The following NPC1 variants were observed in gnomAD, a reference collection of about 807,000 sequenced individuals.
NPC1 encodes the protein Niemann-Pick C1 protein.
Under a neutral mutation model 140.4 loss-of-function variants are expected in NPC1, and 85 were observed. The ratio of observed to expected loss-of-function variants is 0.61; its 90% CI spans 0.51 to 0.72. NPC1 has a LOEUF of 0.72. Among genes scored for constraint, NPC1 ranks in the 30% least tolerant of loss-of-function variants. The probability of loss-of-function intolerance (pLI) is 0.00; values close to 1 mark genes in which losing one functional copy is unlikely to be tolerated. For missense variants in NPC1, 1,504 were observed against 1,623.8 expected (o/e 0.93, Z 1.27); for synonymous variants, 656 against 624.8 (o/e 1.05, Z -0.74).
rs917070773 is a variant in NPC1, at chr18:23,539,893, G to A, written c.2713C>T (p.Gln905Ter). The change falls in exon 18 of 25, where the codon CAG (glutamine) becomes TAG (stop). Residue 905 changes from glutamine to a stop codon, truncating the protein, a stop_gained. Coordinates refer to ENST00000269228, the MANE Select transcript of NPC1 (RefSeq NM_000271.5). LOFTEE classifies it high-confidence loss of function. Reference protein sequence around the residue: ...EGHDYTSSKGQNMVCGGMGCN... With the variant: ...EGHDYTSSKG ...CCCATGCCGCCGCACACCATGTTCTGCCCCTTGGAAGAAGTGTAGTCGTGC... is the reference window on the plus strand; with the variant it reads ...CCCATGCCGCCGCACACCATGTTCTACCCCTTGGAAGAAGTGTAGTCGTGC... 6.2e-7 allele frequency: 1 copy of A among 1,614,182 alleles called. No homozygotes were observed. The highest frequency in any genetic ancestry group is 8.5e-7 in the Non-Finnish European group (1 of 1,180,020).
downstream of NPC1, among the ~76,000 whole-genome samples, chr18:23,525,383 G>C (rs1467885574): frequency 1.3e-5 from 2 of 152,062 alleles, no homozygotes; most frequent in African/African-American, 4.8e-5. Flanking sequence ...AAGTAGCTGG[G>C]CCTACAGGCG....
chr18:23,551,348 G>A (rs951637322), intron 10 of NPC1, among the ~76,000 whole-genome samples: 3 of 152,196 alleles, frequency 2.0e-5, no homozygotes, highest in Non-Finnish European at 4.4e-5. Flanking sequence ...GAACAACAAT[G>A]CAGAGGTTTG....
chr18:23,540,130 T>G lies in NPC1; in HGVS notation c.2605-129A>C. On this transcript the variant is annotated intron_variant, in intron 17 of 24. Coordinates refer to ENST00000269228, the MANE Select transcript of NPC1 (RefSeq NM_000271.5). The stretch of plus-strand genomic sequence containing the variant: ...GAGATGCCTCCAGCTGGACTCATGA[T>G]TCCTAACACCACCAGTCTTCCCCCC... 6.3e-6 allele frequency: 5 copies of G among 797,400 alleles called. No homozygotes were observed. In the South Asian group the frequency reaches 7.2e-5, roughly 12 times the overall value. 49.4% of individuals were successfully genotyped at this position (797,400 alleles called of 1,614,324 possible).
chr18:23,554,614 A>G, intron 9 of NPC1, 144 bp downstream of exon 9: 2 of 679,190 alleles, frequency 2.9e-6, no homozygotes, highest in Non-Finnish European at 5.1e-6. Context: ...TCAAAAAAAA[A>G]AAAAAAAGAT....
intron 6 of NPC1, 120 bp downstream of exon 6, chr18:23,560,111 T>C: frequency 1.7e-6 from 2 of 1,159,600 alleles, no homozygotes; most frequent in South Asian, 1.2e-5. Context: ...ATCCATGCAA[T>C]GGTATTCATG....
At chr18:23,514,571 A>T (rs1022961810) in intron 3 of NPC1, among the ~76,000 whole-genome samples, 16 of 151,574 alleles carry the variant, frequency 1.1e-4, no homozygotes, top group Non-Finnish European at 1.8e-4. Context: ...AAAAAAAAAA[A>T]TTTGTAATGA....
chr18:23,581,720 A>G (rs762213645), intron 1 of NPC1, among the ~76,000 whole-genome samples: 1 of 152,148 alleles, frequency 6.6e-6, no homozygotes, highest in Non-Finnish European at 1.5e-5. Context: ...TCAAGTGAAC[A>G]GTTCAATAGT....
At position 23,532,759 on chromosome 18, in the gene NPC1, C is replaced by G. The variant is rs1488239800; in HGVS notation, c.3755-475G>C. 12 of 312,224 alleles carry G rather than the reference C, an allele frequency of 3.8e-5. 1 individual carries two copies. The Admixed American group carries it at 7.5e-4, about 20-fold the overall frequency. The allele number at this position is 312,224 out of a possible 1,614,324, so 19.3% of individuals were successfully genotyped here. A position where few individuals can be genotyped will look rare whatever the true frequency, so the allele number is the denominator to read the frequency against. On this transcript the variant is annotated intron_variant, in intron 24 of 24. Coordinates refer to ENST00000269228, the MANE Select transcript of NPC1 (RefSeq NM_000271.5). The stretch of plus-strand genomic sequence containing the variant: ...AGATTGTAATAGAACTACTTTCTAT[C>G]CCCCGGAGATGATAAAAAGCCCCTC...
In NPC1 at chr18:23,540,502, G is replaced by A. The variant is rs542171272; in HGVS notation, c.2550C>T (p.Ile850=). ...AIFVGVLSFS[I]AVLNKVDIGL... The stretch of plus-strand genomic sequence containing the variant: ...CAATATCTACTTTGTTCAGGACTGC[G>A]ATGCTGAATGACAGAACACCCACAA... The change falls in exon 17 of 25, where the codon ATC becomes ATT. Residue 850 remains isoleucine, a synonymous_variant. Coordinates refer to ENST00000269228, the MANE Select transcript of NPC1 (RefSeq NM_000271.5). 19 of 1,612,426 alleles carry A rather than the reference G, an allele frequency of 1.2e-5. No individual in the cohort carries two copies. Among genetic ancestry groups the A allele is most frequent in the Non-Finnish European group, 1.4e-5 (17 of 1,179,144 alleles).
At chr18:23,571,898 A>G (rs935310513) in intron 3 of NPC1, among the ~76,000 whole-genome samples, 176 bp downstream of exon 3, 6 of 151,094 alleles carry the variant, frequency 4.0e-5, no homozygotes, top group Non-Finnish European at 7.4e-5. Context: ...TTTTTAATAC[A>G]TAAATATATA....
chr18:23,565,724 GTTTTA>G (rs1598995929), intron 4 of NPC1, among the ~76,000 whole-genome samples: 1 of 152,102 alleles, frequency 6.6e-6, no homozygotes, highest in African/African-American at 2.4e-5. Flanking sequence ...AAATGGAATT[GTTTTA>G]TTTTCACTTT....
In NPC1 at chr18:23,534,510, GTGAACGCTCTGGT is replaced by G; in HGVS notation, c.3514_3526del (p.Thr1172ArgfsTer2). On this transcript the variant is annotated frameshift_variant, in exon 23 of 25. Coordinates refer to ENST00000269228, the MANE Select transcript of NPC1 (RefSeq NM_000271.5). LOFTEE classifies it high-confidence loss of function. The stretch of plus-strand genomic sequence containing the variant: ...CACGCGGCTGCCTTTCATGCTCACC[GTGAACGCTCTGGT>G]TATGTGGCTGCAGAACTCCACGGAG... 1 of 1,614,118 alleles carries G rather than the reference GTGAACGCTCTGGT, an allele frequency of 6.2e-7. No individual in the cohort carries two copies. Among genetic ancestry groups the G allele is most frequent in the East Asian group, 2.2e-5 (1 of 44,886 alleles).
chr18:23,532,389 G>C, intron 24 of NPC1, 105 bp from the exon 25 acceptor site: 1 of 1,274,728 alleles, frequency 7.8e-7, no homozygotes, highest in East Asian at 2.3e-5. Context: ...ACTGAGGCAG[G>C]AGAATTGCTT....
intron 21 of NPC1, 88 bp from the exon 22 acceptor site, chr18:23,535,788 A>T: frequency 1.1e-6 from 1 of 889,448 alleles, no homozygotes; most frequent in East Asian, 2.5e-5. Flanking sequence ...AAGTGGTCAG[A>T]CTCCTTTGGG....
intron 22 of NPC1, 96 bp from the exon 23 acceptor site, chr18:23,534,655 C>A (rs1167070966): frequency 5.3e-6 from 5 of 939,084 alleles, no homozygotes; most frequent in Non-Finnish European, 6.7e-6. Context: ...ACCCAGGGCA[C>A]CCTGGGTGCT....
At chr18:23,572,483 T>C (rs980528694) in intron 2 of NPC1, among the ~76,000 whole-genome samples, 1 of 152,228 alleles carries the variant, frequency 6.6e-6, no homozygotes, top group African/African-American at 2.4e-5. Context: ...AGAGTGCTAC[T>C]TACTATTTCT....
Position 23,532,276 on chromosome 18 carries a change from C to T in NPC1, c.3763G>A (p.Val1255Ile), listed in dbSNP as rs755597503. Reference protein sequence around the residue: ...PVLLSYIGPSVNKAKSCATEE... With the variant: ...PVLLSYIGPSINKAKSCATEE... ...GTGGCACAACTTTTGGCTTTATTTACTGATGGCCCTATGAGAGAGAGAGAC... is the reference window on the plus strand; with the variant it reads ...GTGGCACAACTTTTGGCTTTATTTATTGATGGCCCTATGAGAGAGAGAGAC... Residue 1255 changes from valine to isoleucine, a missense_variant, in exon 25 of 25, where the codon GTA (valine) becomes ATA (isoleucine). Physicochemically the swap from Val to Ile is conservative, Grantham distance 29. Transcript: ENST00000269228. 4 of 1,614,048 alleles carry T rather than the reference C, an allele frequency of 2.5e-6. No homozygotes were observed. Among genetic ancestry groups the T allele is most frequent in the African/African-American group, 2.7e-5 (2 of 74,918 alleles).
Position 23,580,479 on chromosome 18 carries a change from T to C in NPC1, c.57+5808A>G, listed in dbSNP as rs116181953. ...CCTCCCATTCCTATCTTTTAAAGTA[T>C]CTCTCTAGGCAGTTGTCAAGCAATG... On this transcript the variant is annotated intron_variant, in intron 1 of 24. Coordinates refer to ENST00000269228, the MANE Select transcript of NPC1 (RefSeq NM_000271.5). Among the ~76,000 whole-genome samples the C allele has an allele frequency of 1.8e-3, 272 of 152,312 alleles. 1 individual carries two copies. The highest frequency in any genetic ancestry group is 6.1e-3 in the African/African-American group (254 of 41,568).
At chr18:23,516,156 CCATTCATTCTATG>C (rs2057998994) in intron 3 of NPC1, among the ~76,000 whole-genome samples, 1 of 152,194 alleles carries the variant, frequency 6.6e-6, no homozygotes, top group Non-Finnish European at 1.5e-5. Flanking sequence ...GCTCCTGGAG[CCATTCATTCTATG>C]CTGGGCAGAC....
Sources: gnomAD v4.1 joint callset for allele counts (sites outside exome capture counted in the v4.1 genomes callset) on GRCh38, gnomAD v4.1.1 for gene constraint, MANE v1.5 for transcripts, NCBI Gene and HGNC (gene_info 2026-07-23, HGNC 2026-07-21) for gene names.